B3GALT1: variants seen among roughly 807,000 people sequenced by gnomAD.
B3GALT1 encodes UDP-Gal:betaGlcNAc beta 1,3-galactosyltransferase, polypeptide 1.
B3GALT1 carries 10 observed loss-of-function variants against 23.2 expected under a neutral mutation model. That is an observed-to-expected ratio of 0.43 (90% CI 0.27 to 0.73). The LOEUF is 0.73. B3GALT1 is among the 30% of genes least tolerant of loss of function. The pLI, the probability that B3GALT1 is intolerant of heterozygous loss-of-function variation, is 0.21. For missense variants in B3GALT1, 299 were observed against 405.4 expected, an observed-to-expected ratio of 0.74 and a Z score of 2.25; for synonymous variants, 156 against 141.5, an observed-to-expected ratio of 1.10 and a Z score of -0.73.
intron 3 of B3GALT1, among the ~76,000 whole-genome samples, chr2:167,735,337 C>T (rs2105270145): frequency 6.6e-6 from 1 of 152,310 alleles, no homozygotes; most frequent in Non-Finnish European, 1.5e-5. Flanking sequence ...TCCTAGATCT[C>T]TACTAACTCC....
At chr2:167,447,502 G>C (rs1281936594) in intron 1 of B3GALT1, among the ~76,000 whole-genome samples, 1 of 152,160 alleles carries the variant, frequency 6.6e-6, no homozygotes, top group Non-Finnish European at 1.5e-5. Flanking sequence ...AGCTGTGGTG[G>C]GCTCCACCCA....
intron 3 of B3GALT1, among the ~76,000 whole-genome samples, chr2:167,708,683 G>A (rs1391110317): frequency 6.6e-6 from 1 of 151,854 alleles, no homozygotes; most frequent in Non-Finnish European, 1.5e-5. Context: ...AAAGAAAATG[G>A]TATCATCCTA....
intron 3 of B3GALT1, among the ~76,000 whole-genome samples, chr2:167,739,604 T>C (rs1687545094): frequency 6.6e-6 from 1 of 152,192 alleles, no homozygotes; most frequent in Non-Finnish European, 1.5e-5. Flanking sequence ...TAGCCTATTT[T>C]ATTTTCTCCA....
chr2:167,451,899 T>C (rs1416972965), intron 1 of B3GALT1, among the ~76,000 whole-genome samples: 2 of 152,112 alleles, frequency 1.3e-5, no homozygotes, highest in East Asian at 3.9e-4. Context: ...CTCAGGCCAA[T>C]GGAGTTAATG....
intron 3 of B3GALT1, among the ~76,000 whole-genome samples, chr2:167,692,013 C>T (rs1205482901): frequency 6.6e-6 from 1 of 152,050 alleles, no homozygotes; most frequent in East Asian, 1.9e-4. Context: ...AGTTGGCCTT[C>T]CTTGAGTGGC....
chr2:167,637,696 C>A (rs1426886572), intron 2 of B3GALT1, among the ~76,000 whole-genome samples: 1 of 151,994 alleles, frequency 6.6e-6, no homozygotes, highest in Non-Finnish European at 1.5e-5. Flanking sequence ...TGCCATTCCA[C>A]CCTCTGCCTT....
intron 3 of B3GALT1, among the ~76,000 whole-genome samples, chr2:167,738,359 T>C (rs1448226572): frequency 6.6e-6 from 1 of 152,112 alleles, no homozygotes; most frequent in African/African-American, 2.4e-5. Flanking sequence ...GAGTGGAAAA[T>C]TCAAATTAAA....
intron 3 of B3GALT1, among the ~76,000 whole-genome samples, chr2:167,765,416 A>C (rs1004529452): frequency 6.6e-6 from 1 of 152,170 alleles, no homozygotes; most frequent in Non-Finnish European, 1.5e-5. Context: ...GTCCAGGAGG[A>C]AGTGGGAGCC....
intron 4 of B3GALT1, among the ~76,000 whole-genome samples, chr2:167,832,108 T>C (rs986838971): frequency 1.3e-5 from 2 of 152,208 alleles, no homozygotes; most frequent in Admixed American, 6.5e-5. Flanking sequence ...AGGCTGACTA[T>C]AGATTGTGGC....
At chr2:167,511,825 T>A (rs1037357977) in intron 2 of B3GALT1, among the ~76,000 whole-genome samples, 1 of 152,162 alleles carries the variant, frequency 6.6e-6, no homozygotes, top group Non-Finnish European at 1.5e-5. Flanking sequence ...AAAAAATAAC[T>A]AATAAGATGG....
chr2:167,370,199 C>G (rs1237132852), intron 1 of B3GALT1, among the ~76,000 whole-genome samples: 1 of 151,880 alleles, frequency 6.6e-6, no homozygotes, highest in Non-Finnish European at 1.5e-5. Flanking sequence ...TACTTTATTG[C>G]TGTATATACA....
At chr2:167,598,366 A>G (rs1684818174) in intron 2 of B3GALT1, among the ~76,000 whole-genome samples, 1 of 152,152 alleles carries the variant, frequency 6.6e-6, no homozygotes. Flanking sequence ...TAATATCAAA[A>G]GGAAGTTTTT....
chr2:167,834,534 G>T (rs911445650), intron 4 of B3GALT1, among the ~76,000 whole-genome samples: 1 of 152,132 alleles, frequency 6.6e-6, no homozygotes, highest in Admixed American at 6.6e-5. Context: ...TTTTACTTTG[G>T]TTACAAATGG....
intron 1 of B3GALT1, among the ~76,000 whole-genome samples, chr2:167,363,549 A>G (rs1001727557): frequency 1.3e-5 from 2 of 152,030 alleles, no homozygotes; most frequent in Non-Finnish European, 2.9e-5. Flanking sequence ...TCTATTTCAC[A>G]AGGAGTGGCT....
chr2:167,649,750 G>T (rs149847876), intron 3 of B3GALT1, among the ~76,000 whole-genome samples: 1 of 151,846 alleles, frequency 6.6e-6, no homozygotes, highest in Non-Finnish European at 1.5e-5. Context: ...AATTGTTTTT[G>T]TATGTTGATC....
chr2:167,509,267 C>G (rs1170022275), intron 2 of B3GALT1, among the ~76,000 whole-genome samples: 2 of 152,080 alleles, frequency 1.3e-5, no homozygotes, highest in African/African-American at 4.8e-5. Context: ...CAAAATTGAC[C>G]CTCATGCATA....
chr2:167,503,330 AC>A (rs1347289321), intron 2 of B3GALT1, among the ~76,000 whole-genome samples: 3 of 152,152 alleles, frequency 2.0e-5, no homozygotes, highest in Non-Finnish European at 4.4e-5. Context: ...ATCAGTATCT[AC>A]AGAGTGTCTG....
chr2:167,624,651 A>G (rs987480787), intron 2 of B3GALT1, among the ~76,000 whole-genome samples: 1 of 152,040 alleles, frequency 6.6e-6, no homozygotes, highest in Non-Finnish European at 1.5e-5. Flanking sequence ...CCACTATATT[A>G]TATGACTACC....
chr2:167,377,967 G>T (rs1697790930), intron 1 of B3GALT1, among the ~76,000 whole-genome samples: 1 of 152,028 alleles, frequency 6.6e-6, no homozygotes, highest in Non-Finnish European at 1.5e-5. Context: ...TTGTTCTTTG[G>T]TTTCCATGTT....
Sources: gnomAD v4.1 joint callset for allele counts (sites outside exome capture counted in the v4.1 genomes callset) on GRCh38, gnomAD v4.1.1 for gene constraint, MANE v1.5 for transcripts, NCBI Gene and HGNC (gene_info 2026-07-23, HGNC 2026-07-21) for gene names.